The following RAD17 variants were observed in gnomAD, a reference collection of about 807,000 sequenced individuals.
The protein encoded by RAD17 is RAD17 checkpoint clamp loader component.
In RAD17, 31 loss-of-function variants were observed where a neutral mutation model predicts 81.5. That is an observed-to-expected ratio of 0.38 (90% CI 0.29 to 0.51). RAD17 has a LOEUF of 0.51. Among genes scored for constraint, RAD17 ranks in the 20% least tolerant of loss-of-function variants. The pLI is 0.88. For synonymous variants in RAD17, 261 were observed against 266.2 expected (o/e 0.98, Z 0.19); for missense variants, 681 against 781.2 (o/e 0.87, Z 1.53).
rs1170790069 is a variant in RAD17 at position 69,414,392 on chromosome 5, A to G, written c.*100A>G. The G allele has an allele frequency of 7.7e-7, 1 of 1,293,268 alleles. No homozygotes were observed. Among genetic ancestry groups the G allele is most frequent in the Non-Finnish European group, 1.1e-6 (1 of 937,538 alleles). The allele number at this position is 1,293,268 out of a possible 1,614,324, so 80.1% of individuals were successfully genotyped here. A position where few individuals can be genotyped will look rare whatever the true frequency, so the allele number is the denominator to read the frequency against. ...ATATGCTTTTCTGATGAATTACACA[A>G]CAGTTTGTTAATTCTTCATTCTTGT... is the stretch of plus-strand genomic sequence containing the variant. On this transcript the variant is annotated 3_prime_UTR_variant, in exon 19 of 19. Transcript: ENST00000354868.
chr5:69,392,075 A>G (rs2150832784), intron 13 of RAD17, 62 bp downstream of exon 13: 1 of 1,318,316 alleles, frequency 7.6e-7, no homozygotes, highest in Non-Finnish European at 1.0e-6. Context: ...ATGGAAATAA[A>G]ATGTCACTTT....
At chr5:69,369,682 C>G (rs1255598756), upstream of RAD17, 5 of 1,554,600 alleles carry the variant, frequency 3.2e-6, no homozygotes, top group Middle Eastern at 1.7e-4. Context: ...ACATTTCCGT[C>G]GCAAAGTTGG....
Position 69,384,823 on chromosome 5 carries a change from C to A in RAD17, c.535C>A (p.Gln179Lys). 6.2e-7 allele frequency: 1 copy of A among 1,608,184 alleles called. No individual in the cohort carries two copies. Among genetic ancestry groups the A allele is most frequent in the South Asian group, 1.1e-5 (1 of 89,538 alleles). Residue 179 changes from glutamine to lysine, a missense_variant, in exon 8 of 19, where the codon CAG becomes AAG. By Grantham distance (53) the Gln-to-Lys change is moderately conservative. Coordinates refer to ENST00000354868, the MANE Select transcript of RAD17 (RefSeq NM_133338.3). ...TESSFHMFPY[Q>K]SQIAVFKEFL... ...ATCAAGCTTCCATATGTTTCCCTATCAGTCTCAGATAGCAGTTTTCAAAGA... is the reference window on the plus strand; with the variant it reads ...ATCAAGCTTCCATATGTTTCCCTATAAGTCTCAGATAGCAGTTTTCAAAGA...
rs1394319556 is a variant in RAD17, at chr5:69,414,416, G to C, written c.*124G>C. 1 of 1,138,528 alleles carries C rather than the reference G, an allele frequency of 8.8e-7. No individual in the cohort carries two copies. The highest frequency in any genetic ancestry group is 1.6e-5 in the African/African-American group (1 of 63,938). 70.5% of individuals were successfully genotyped at this position (1,138,528 alleles called of 1,614,324 possible). On this transcript the variant is annotated 3_prime_UTR_variant, in exon 19 of 19. Transcript: ENST00000354868. ...AACAGTTTGTTAATTCTTCATTCTT[G>C]TAGTATTTCATCACAAGAAACCTAC...
chr5:69,385,210 G>GCC (rs1764125179), intron 8 of RAD17, among the ~76,000 whole-genome samples: 1 of 150,024 alleles, frequency 6.7e-6, no homozygotes, highest in Non-Finnish European at 1.5e-5. Context: ...TATGCCCACC[G>GCC]TGGCCTCCCA....
At chr5:69,407,426 T>C (rs1765673454) in intron 17 of RAD17, among the ~76,000 whole-genome samples, 1 of 152,126 alleles carries the variant, frequency 6.6e-6, no homozygotes, top group African/African-American at 2.4e-5. Flanking sequence ...TTTCAGCCAT[T>C]ATTTCTTTAA....
intron 4 of RAD17, 47 bp from the exon 5 acceptor site, chr5:69,373,783 G>T: frequency 6.7e-7 from 1 of 1,485,990 alleles, no homozygotes; most frequent in Admixed American, 1.9e-5. Flanking sequence ...TGGGGGAATA[G>T]ATGGGAGAAA....
intron 5 of RAD17, among the ~76,000 whole-genome samples, chr5:69,374,424 A>T (rs1342896861): frequency 6.6e-6 from 1 of 152,220 alleles, no homozygotes; most frequent in African/African-American, 2.4e-5. Flanking sequence ...TGCCAAAATT[A>T]TCATACAGAG....
At chr5:69,369,756 A>T, upstream of RAD17, 1 of 1,491,738 alleles carries the variant, frequency 6.7e-7, no homozygotes. Flanking sequence ...TAAGTCACAC[A>T]CTCCTTCGGT....
intron 12 of RAD17, among the ~76,000 whole-genome samples, chr5:69,391,184 C>G (rs1053832794): frequency 7.0e-6 from 1 of 143,736 alleles, no homozygotes; most frequent in Non-Finnish European, 1.5e-5. Context: ...GAGCCGAGAT[C>G]ACACCACTGC....
rs555575598 is a variant in RAD17, at chr5:69,374,587, A to G, written c.268-41A>G. 3 of 1,472,554 alleles carry G rather than the reference A, an allele frequency of 2.0e-6. No homozygotes were observed. The South Asian group carries it at 3.7e-5, about 18-fold the overall frequency. 91.2% of individuals were successfully genotyped at this position (1,472,554 alleles called of 1,614,324 possible). On this transcript the variant is annotated intron_variant, in intron 5 of 18. Transcript: ENST00000354868. Reference sequence around the variant, plus strand: ...TGTGCTGATGTACCAAAAAATCTTCAGTTAAGAAGTTTTGTTTTAAATTTG... The same window carrying G: ...TGTGCTGATGTACCAAAAAATCTTCGGTTAAGAAGTTTTGTTTTAAATTTG...
intron 17 of RAD17, among the ~76,000 whole-genome samples, chr5:69,400,750 A>G (rs377570467): frequency 1.3e-5 from 2 of 151,858 alleles, no homozygotes; most frequent in East Asian, 1.9e-4. Context: ...CCTGGCCAAC[A>G]TGGTGAAACC....
At chr5:69,369,635 C>T (rs4252217), upstream of RAD17, 29,710 of 1,564,708 alleles carry the variant, frequency 0.019, 346 homozygotes, top group Middle Eastern at 0.022. Context: ...CCCCGGCGGC[C>T]CAGCCGCGGC....
At chr5:69,403,037 C>T (rs1157486362) in intron 17 of RAD17, among the ~76,000 whole-genome samples, 1 of 152,148 alleles carries the variant, frequency 6.6e-6, no homozygotes, top group Non-Finnish European at 1.5e-5. Flanking sequence ...TGGGATCTCG[C>T]TTTGTTGGCC....
Position 69,370,156 on chromosome 5 carries a change from G to A in RAD17, c.-417+223G>A, listed in dbSNP as rs17236156. The A allele has an allele frequency of 4.5e-3, 794 of 177,774 alleles. 11 individuals are homozygous for A. The highest frequency in any genetic ancestry group is 0.017 in the African/African-American group (727 of 42,076). 11.0% of individuals were successfully genotyped at this position (177,774 alleles called of 1,614,324 possible). On this transcript the variant is annotated intron_variant, in intron 1 of 18. Coordinates refer to ENST00000354868, the MANE Select transcript of RAD17 (RefSeq NM_133338.3). ...AGGATTACGTTGGACGAATATTTGAGCTTAGTATTCCCTGTTCACTGTGTG... is the reference window on the plus strand; with the variant it reads ...AGGATTACGTTGGACGAATATTTGAACTTAGTATTCCCTGTTCACTGTGTG...
chr5:69,381,344 G>A (rs889388383), intron 6 of RAD17, among the ~76,000 whole-genome samples: 1 of 152,046 alleles, frequency 6.6e-6, no homozygotes, highest in African/African-American at 2.4e-5. Context: ...AGCCGGGCGT[G>A]GTGGCGGGCG....
rs1448664143 is a variant in RAD17 at position 69,393,422 on chromosome 5, T to C, written c.1344T>C (p.Asp448=). 6.2e-7 allele frequency: 1 copy of C among 1,608,326 alleles called. No individual in the cohort carries two copies. The highest frequency in any genetic ancestry group is 8.5e-7 in the Non-Finnish European group (1 of 1,176,332). ...FNLYLHQNYI[D]FFMEIDDIVR... ...TATATCTTCACCAAAACTACATAGA[T>C]TTCTTCATGGAAATTGATGATATTG... is the stretch of plus-strand genomic sequence containing the variant. Residue 448 remains aspartate, a synonymous_variant, in exon 15 of 19, where the codon GAT becomes GAC. Transcript: ENST00000354868.
chr5:69,398,115 T>TA (rs879802497), intron 16 of RAD17, among the ~76,000 whole-genome samples: 3,633 of 140,120 alleles, frequency 0.026, 144 homozygotes, highest in African/African-American at 0.087. Context: ...AGACTCCATC[T>TA]AAAAAAAAAA....
In RAD17 at chr5:69,375,409, T is replaced by TA. The variant is rs542960487; in HGVS notation, c.351+699dup. On this transcript the variant is annotated intron_variant, in intron 6 of 18. Transcript: ENST00000354868. ...ACTGATATTTTTTGTTTCACTTCCT[T>TA]ACTGCACAATTACCTTGAACCCCCA... Among the ~76,000 whole-genome samples, 76 of 152,288 alleles carry TA rather than the reference T, an allele frequency of 5.0e-4. No homozygotes were observed. In the South Asian group the frequency reaches 5.2e-3, roughly 10 times the overall value.
Sources: allele counts gnomAD v4.1 joint callset (sites outside exome capture counted in the v4.1 genomes callset), GRCh38; gene constraint gnomAD v4.1.1; transcripts MANE v1.5; gene names NCBI Gene and HGNC (gene_info 2026-07-23, HGNC 2026-07-21).